Variants in WARS2 observed in about 807,000 individuals in gnomAD.
WARS2 encodes tryptophanyl tRNA synthetase 2, mitochondrial, also known as tryptophan--tRNA ligase, mitochondrial.
WARS2 carries 28 observed loss-of-function variants against 36.5 expected under a neutral mutation model. The ratio of observed to expected loss-of-function variants is 0.77; its 90% CI spans 0.57 to 1.05. The LOEUF (loss-of-function observed/expected upper bound fraction) is 1.05. WARS2 is among the 50% of genes least tolerant of loss of function. The probability of loss-of-function intolerance (pLI) is 0.00; values close to 1 mark genes in which losing one functional copy is unlikely to be tolerated. For synonymous variants in WARS2, 174 were observed against 178.4 expected (o/e 0.98, Z 0.20); for missense variants, 435 against 456.8 (o/e 0.95, Z 0.44).
At chr1:119,045,879 G>A (rs958580766) in intron 2 of WARS2, among the ~76,000 whole-genome samples, 12 of 152,132 alleles carry the variant, frequency 7.9e-5, no homozygotes, top group East Asian at 3.9e-4. Context: ...TTAATCTAGT[G>A]TTTAAGTCTA....
intron 2 of WARS2, among the ~76,000 whole-genome samples, chr1:119,057,067 G>C (rs1458700687): frequency 6.6e-6 from 1 of 152,158 alleles, no homozygotes; most frequent in Non-Finnish European, 1.5e-5. Flanking sequence ...TCATCCAAGT[G>C]GGTGAACTGG....
intron 1 of WARS2, among the ~76,000 whole-genome samples, chr1:119,109,925 C>T (rs747555116): frequency 2.6e-5 from 4 of 151,324 alleles, no homozygotes; most frequent in Non-Finnish European, 5.9e-5. Context: ...ACATGATTGC[C>T]CTAGACTTTG....
chr1:119,135,788 GTTTT>G (rs929023812), intron 1 of WARS2, among the ~76,000 whole-genome samples: 1 of 151,554 alleles, frequency 6.6e-6, no homozygotes, highest in Non-Finnish European at 1.5e-5. Context: ...GGGTTTTGGG[GTTTT>G]TTTGTTTGTT....
intron 2 of WARS2, among the ~76,000 whole-genome samples, chr1:119,068,827 T>C (rs987535985): frequency 3.8e-5 from 5 of 131,716 alleles, no homozygotes; most frequent in African/African-American, 1.6e-4. Context: ...TCTCTCTTAC[T>C]CTCTCTCTCT....
At position 119,042,309 on chromosome 1, in the gene WARS2, A is replaced by G; in HGVS notation, c.470T>C (p.Leu157Pro). 6.2e-7 allele frequency: 1 copy of G among 1,613,844 alleles called. No individual in the cohort carries two copies. Among genetic ancestry groups the G allele is most frequent in the Non-Finnish European group, 8.5e-7 (1 of 1,179,918 alleles). The change falls in exon 4 of 6, where the codon CTG becomes CCG. Residue 157 changes from leucine to proline, a missense_variant. Physicochemically the swap from Leu to Pro is moderately conservative, Grantham distance 98. Transcript: ENST00000235521. ...TKQKHDGTVGLLTYPVLQAAD... is the reference protein window; with the variant it reads ...TKQKHDGTVGPLTYPVLQAAD... ...TGCCTGGAGTACTGGGTATGTGAGC[A>G]GGCCCACCGTGCCATCGTGCTTCTG...
At chr1:119,091,027 CA>C (rs2101406357) in intron 1 of WARS2, among the ~76,000 whole-genome samples, 1 of 152,202 alleles carries the variant, frequency 6.6e-6, no homozygotes, top group South Asian at 2.1e-4. Flanking sequence ...GAAATTAAGA[CA>C]GACAATGTTA....
intron 1 of WARS2, among the ~76,000 whole-genome samples, chr1:119,089,973 C>A (rs1652928307): frequency 6.6e-6 from 1 of 151,980 alleles, no homozygotes. Flanking sequence ...TGAGGCCTGT[C>A]AGGTTGGAGA....
chr1:119,071,866 T>C (rs966883285), intron 2 of WARS2, among the ~76,000 whole-genome samples: 3 of 152,194 alleles, frequency 2.0e-5, no homozygotes, highest in Non-Finnish European at 4.4e-5. Context: ...TTACAATGTA[T>C]ACATATTTCA....
At chr1:119,047,107 C>A (rs1648919828) in intron 2 of WARS2, among the ~76,000 whole-genome samples, 1 of 152,222 alleles carries the variant, frequency 6.6e-6, no homozygotes, top group South Asian at 2.1e-4. Context: ...CATTGACACA[C>A]TGTCCATGCA....
intron 1 of WARS2, among the ~76,000 whole-genome samples, chr1:119,102,725 A>C (rs1159237065): frequency 6.6e-6 from 1 of 152,062 alleles, no homozygotes; most frequent in Non-Finnish European, 1.5e-5. Flanking sequence ...GCTACCCCCT[A>C]CCTTAATCTC....
At chr1:119,072,717 G>A (rs764030617) in intron 2 of WARS2, among the ~76,000 whole-genome samples, 17 of 152,088 alleles carry the variant, frequency 1.1e-4, no homozygotes, top group Non-Finnish European at 1.9e-4. Context: ...GGTATTAGAT[G>A]ATAATATGGA....
At chr1:119,134,025 T>C (rs916535640) in intron 1 of WARS2, among the ~76,000 whole-genome samples, 1 of 151,944 alleles carries the variant, frequency 6.6e-6, no homozygotes, top group African/African-American at 2.4e-5. Context: ...TTAAAATGTT[T>C]TACAAGGTAA....
At chr1:119,034,659 G>C (rs1426373441) in intron 4 of WARS2, among the ~76,000 whole-genome samples, 1 of 152,176 alleles carries the variant, frequency 6.6e-6, no homozygotes, top group Non-Finnish European at 1.5e-5. Flanking sequence ...GCAGCAGAAA[G>C]TTCTTCAGGC....
intron 1 of WARS2, among the ~76,000 whole-genome samples, chr1:119,130,476 G>A (rs1441248899): frequency 1.3e-5 from 2 of 152,168 alleles, no homozygotes; most frequent in Admixed American, 6.5e-5. Context: ...TAAGCGACAA[G>A]TTTGAAATTC....
intron 2 of WARS2, among the ~76,000 whole-genome samples, chr1:119,070,411 G>A (rs1459993308): frequency 1.3e-5 from 2 of 151,964 alleles, no homozygotes; most frequent in East Asian, 2.0e-4. Flanking sequence ...GACCACAGGC[G>A]TGCGACACCA....
At chr1:119,054,139 T>G (rs908365863) in intron 2 of WARS2, among the ~76,000 whole-genome samples, 3 of 150,642 alleles carry the variant, frequency 2.0e-5, no homozygotes, top group Non-Finnish European at 3.0e-5. Context: ...AAACAATAAC[T>G]ATTATTATTA....
rs1406661123 is a variant in WARS2 at position 119,043,636 on chromosome 1, T to G, written c.430-1287A>C. 1.1e-4 allele frequency among the ~76,000 whole-genome samples: 17 copies of G among 152,234 alleles called. 1 individual carries two copies. Among genetic ancestry groups the G allele is most frequent in the Non-Finnish European group, 4.4e-5 (3 of 68,042 alleles). ...TAATTACAAAGTTCATGATAAAGGC[T>G]AGTTCACAATTATCACCAGGTAAAG... is the stretch of plus-strand genomic sequence containing the variant. On this transcript the variant is annotated intron_variant, in intron 3 of 5. Coordinates refer to ENST00000235521, the MANE Select transcript of WARS2 (RefSeq NM_015836.4).
chr1:119,076,331 T>C lies in WARS2; in HGVS notation c.348+19A>G, dbSNP rs757944123. ...ATCTACACATAAGAGTTTTCTCAGT[T>C]CTAATCTGAGAAGCTGACCTGAGAT... On this transcript the variant is annotated intron_variant, in intron 2 of 5. Transcript: ENST00000235521. 5.0e-6 allele frequency: 8 copies of C among 1,613,860 alleles called. No homozygotes were observed. The highest frequency in any genetic ancestry group is 6.8e-6 in the Non-Finnish European group (8 of 1,179,832).
At chr1:119,137,574 T>C (rs950724009) in intron 1 of WARS2, among the ~76,000 whole-genome samples, 14 of 152,200 alleles carry the variant, frequency 9.2e-5, no homozygotes, top group Non-Finnish European at 2.1e-4. Flanking sequence ...AATCATGACT[T>C]AGTGCTTAAA....
Sources: allele counts gnomAD v4.1 joint callset (sites outside exome capture counted in the v4.1 genomes callset), GRCh38; gene constraint gnomAD v4.1.1; transcripts MANE v1.5; gene names NCBI Gene and HGNC (gene_info 2026-07-23, HGNC 2026-07-21).